PAPPA: variants seen among roughly 807,000 people sequenced by gnomAD.
The protein encoded by PAPPA is pappalysin 1, also known as pappalysin-1.
Under a neutral mutation model 164.0 loss-of-function variants are expected in PAPPA, and 60 were observed. That is an observed-to-expected ratio of 0.37 (90% CI 0.30 to 0.45). PAPPA has a LOEUF of 0.45. Among genes scored for constraint, PAPPA ranks in the 20% least tolerant of loss-of-function variants. PAPPA has a pLI of 1.00. For synonymous variants in PAPPA, 875 were observed against 814.1 expected (o/e 1.07, Z -1.27); for missense variants, 1,782 against 2,087.3 (o/e 0.85, Z 2.85).
Position 116,271,183 on chromosome 9 carries a change from A to T in PAPPA, c.2862-142A>T. The T allele has an allele frequency of 1.6e-6, 1 of 630,714 alleles. No individual in the cohort carries two copies. Among genetic ancestry groups the T allele is most frequent in the Non-Finnish European group, 2.8e-6 (1 of 351,126 alleles). 39.1% of individuals were successfully genotyped at this position (630,714 alleles called of 1,614,324 possible). A position where few individuals can be genotyped will look rare whatever the true frequency, so the allele number is the denominator to read the frequency against. ...ACCTTTTAGAAATCTCATTTTGAAGATGAAGAAGCAGAGACTCAGACAGAG... is the reference window on the plus strand; with the variant it reads ...ACCTTTTAGAAATCTCATTTTGAAGTTGAAGAAGCAGAGACTCAGACAGAG... On this transcript the variant is annotated intron_variant, in intron 8 of 21. Transcript: ENST00000328252. The surrounding 1 kb of genome is among the most constrained non-coding windows in gnomAD (Gnocchi z 4.2).
chr9:116,279,831 G>T (rs1194004138), intron 9 of PAPPA, among the ~76,000 whole-genome samples: 1 of 152,120 alleles, frequency 6.6e-6, no homozygotes, highest in Non-Finnish European at 1.5e-5. Context: ...CTTAGCTCCT[G>T]GCTCTCAGTT....
At chr9:116,329,323 T>A (rs927890789) in intron 10 of PAPPA, among the ~76,000 whole-genome samples, 3 of 152,206 alleles carry the variant, frequency 2.0e-5, no homozygotes, top group African/African-American at 7.2e-5. Context: ...CTATTTTCAA[T>A]GGCTTTCTAA....
At position 116,254,801 on chromosome 9, in the gene PAPPA, AAG is replaced by A. The variant is rs1256022817; in HGVS notation, c.2733-11050_2733-11049del. ...CGTCTCAAAAAAAAAAAAAAAAAAA[AAG>A]AGAGAAAGAAAGACACTGAAAGGAT... On this transcript the variant is annotated intron_variant, in intron 7 of 21. Transcript: ENST00000328252. Among the ~76,000 whole-genome samples, 933 of 147,112 alleles carry A rather than the reference AAG, an allele frequency of 6.3e-3. 10 individuals are homozygous for A. Among genetic ancestry groups the A allele is most frequent in the African/African-American group, 0.023 (880 of 37,754 alleles).
intron 10 of PAPPA, among the ~76,000 whole-genome samples, chr9:116,305,861 G>A (rs1276792508): frequency 6.6e-6 from 1 of 152,148 alleles, no homozygotes; most frequent in African/African-American, 2.4e-5. Context: ...ACTCCTAGAT[G>A]GATAGATCTC....
At chr9:116,367,842 C>T in intron 19 of PAPPA, 88 bp downstream of exon 19, 1 of 842,442 alleles carries the variant, frequency 1.2e-6, no homozygotes, top group Non-Finnish European at 2.0e-6. Flanking sequence ...GTTCTGAGTT[C>T]ATTCTTTCAC....
chr9:116,338,602 C>G (rs60205435), intron 13 of PAPPA, among the ~76,000 whole-genome samples: 43 of 152,340 alleles, frequency 2.8e-4, no homozygotes, highest in African/African-American at 9.9e-4. Context: ...GCTCAGATCG[C>G]TGCCATAACC....
chr9:116,197,532 C>T (rs1844123162), intron 2 of PAPPA, among the ~76,000 whole-genome samples: 1 of 152,228 alleles, frequency 6.6e-6, no homozygotes, highest in Non-Finnish European at 1.5e-5. Flanking sequence ...CCAAATGTGG[C>T]ATCCTCTTTC....
intron 19 of PAPPA, among the ~76,000 whole-genome samples, chr9:116,372,831 A>G (rs951672893): frequency 6.6e-6 from 1 of 152,136 alleles, no homozygotes; most frequent in East Asian, 1.9e-4. Context: ...TATATATGCC[A>G]TTTCATTTTG....
intron 9 of PAPPA, among the ~76,000 whole-genome samples, chr9:116,302,071 G>A (rs149047913): frequency 7.9e-5 from 12 of 152,284 alleles, no homozygotes; most frequent in African/African-American, 2.9e-4. Flanking sequence ...TGGAGACCCA[G>A]ATCAGGTATT....
intron 21 of PAPPA, among the ~76,000 whole-genome samples, chr9:116,383,809 G>GAAAA (rs1846765919): frequency 6.6e-6 from 1 of 152,104 alleles, no homozygotes; most frequent in Non-Finnish European, 1.5e-5. Flanking sequence ...TTTGATTTTT[G>GAAAA]ATTGATAGGA....
intron 9 of PAPPA, among the ~76,000 whole-genome samples, chr9:116,292,896 G>A (rs1288141080): frequency 2.0e-5 from 3 of 152,194 alleles, no homozygotes; most frequent in Non-Finnish European, 4.4e-5. Context: ...AAATGAGTCT[G>A]TGGGGGAGGA....
chr9:116,378,652 A>G (rs1012563922), intron 20 of PAPPA, among the ~76,000 whole-genome samples: 2 of 152,174 alleles, frequency 1.3e-5, no homozygotes, highest in Non-Finnish European at 2.9e-5. Flanking sequence ...GAATGCCAAA[A>G]CTGGGAAGGC....
intron 13 of PAPPA, among the ~76,000 whole-genome samples, chr9:116,340,142 T>G (rs1846117361): frequency 6.6e-6 from 1 of 152,156 alleles, no homozygotes; most frequent in Non-Finnish European, 1.5e-5. Flanking sequence ...TTTTCCTTCT[T>G]TTGTTATTTT....
intron 1 of PAPPA, among the ~76,000 whole-genome samples, chr9:116,186,640 A>C (rs971288451): frequency 1.3e-5 from 2 of 152,204 alleles, no homozygotes; most frequent in Non-Finnish European, 2.9e-5. Flanking sequence ...TCTGGTAACT[A>C]TGGTAGGGAC....
Position 116,159,448 on chromosome 9 carries a change from C to T in PAPPA, c.415+4861C>T, listed in dbSNP as rs370532963. ...AGAGTAGATAATGTATCTTGGGGAA[C>T]AATTAGACTCCTTCAAATACCTTTC... is the stretch of plus-strand genomic sequence containing the variant. On this transcript the variant is annotated intron_variant, in intron 1 of 21. Transcript: ENST00000328252. Among the ~76,000 whole-genome samples the T allele has an allele frequency of 1.5e-3, 233 of 152,256 alleles. 3 individuals carry two copies. The South Asian group carries it at 0.042, about 28-fold the overall frequency.
intron 19 of PAPPA, among the ~76,000 whole-genome samples, chr9:116,370,908 A>G (rs765364817): frequency 4.9e-4 from 74 of 152,256 alleles, no homozygotes; most frequent in Non-Finnish European, 5.7e-4. Flanking sequence ...CTAAATATTT[A>G]TGATTGCTGA....
chr9:116,265,513 G>T (rs1268524354), intron 7 of PAPPA, among the ~76,000 whole-genome samples: 3 of 152,080 alleles, frequency 2.0e-5, no homozygotes, highest in Non-Finnish European at 4.4e-5. Context: ...ATTTTTCCTG[G>T]ATGGCTTCCT....
chr9:116,241,117 C>G (rs1327746793), intron 7 of PAPPA, among the ~76,000 whole-genome samples: 2 of 152,098 alleles, frequency 1.3e-5, no homozygotes, highest in Non-Finnish European at 2.9e-5. Context: ...CAAATCAGAT[C>G]CAAATTTTTG....
chr9:116,160,208 G>T (rs544879695), intron 1 of PAPPA, among the ~76,000 whole-genome samples: 1 of 152,332 alleles, frequency 6.6e-6, no homozygotes, highest in South Asian at 2.1e-4. Flanking sequence ...TAGTAGCTAA[G>T]CATTTGGGGA....
Sources: allele counts gnomAD v4.1 joint callset (sites outside exome capture counted in the v4.1 genomes callset), GRCh38; gene constraint gnomAD v4.1.1; non-coding constraint Gnocchi (gnomAD v3.1); transcripts MANE v1.5; gene names NCBI Gene and HGNC (gene_info 2026-07-23, HGNC 2026-07-21).